The following COL22A1 variants were observed in gnomAD, a reference collection of about 807,000 sequenced individuals.
The protein encoded by COL22A1 is collagen type XXII alpha 1 chain.
In COL22A1, 221 loss-of-function variants were observed where a neutral mutation model predicts 248.9. That is an observed-to-expected ratio of 0.89 (90% CI 0.80 to 0.99). The LOEUF (loss-of-function observed/expected upper bound fraction) is 0.99. COL22A1 is among the 50% of genes least tolerant of loss of function. The probability of loss-of-function intolerance (pLI) is 0.00; values close to 1 mark genes in which losing one functional copy is unlikely to be tolerated. For synonymous variants in COL22A1, 891 were observed against 793.4 expected, an observed-to-expected ratio of 1.12 and a Z score of -2.07; for missense variants, 2,240 against 2,179.0, an observed-to-expected ratio of 1.03 and a Z score of -0.56.
intron 2 of COL22A1, among the ~76,000 whole-genome samples, chr8:138,882,532 A>G (rs1243351952): frequency 6.8e-6 from 1 of 146,662 alleles, no homozygotes; most frequent in East Asian, 2.0e-4. Context: ...ACACTTCCTC[A>G]CACTCCCCCA....
intron 45 of COL22A1, among the ~76,000 whole-genome samples, chr8:138,654,854 A>G (rs569050916): frequency 7.1e-4 from 108 of 152,250 alleles, no homozygotes; most frequent in African/African-American, 2.3e-3. Context: ...TCTCGTGGGA[A>G]AAGCAAATGT....
rs914855087 is a variant in COL22A1 at position 138,596,775 on chromosome 8, G to C, written c.4432+129C>G. The C allele has an allele frequency of 3.9e-5, 31 of 792,966 alleles. No homozygotes were observed. The Middle Eastern group carries it at 1.5e-3, about 38-fold the overall frequency. 49.1% of individuals were successfully genotyped at this position (792,966 alleles called of 1,614,324 possible). ...AGTCTTCAGGGCATTCCCCAACCCT[G>C]ATAGTCTACACTTGAGCTGCCGGTC... is the stretch of plus-strand genomic sequence containing the variant. On this transcript the variant is annotated intron_variant, in intron 62 of 64. Transcript: ENST00000303045.
At chr8:138,630,628 A>G (rs1587715161) in intron 50 of COL22A1, 67 bp downstream of exon 50, 1 of 1,438,262 alleles carries the variant, frequency 7.0e-7, no homozygotes, top group Middle Eastern at 1.8e-4. Context: ...CAGAATTGGC[A>G]AACACCTGGG....
chr8:138,599,360 TCCCAG>T (rs1274620548), intron 60 of COL22A1, among the ~76,000 whole-genome samples: 1 of 152,042 alleles, frequency 6.6e-6, no homozygotes, highest in Admixed American at 6.5e-5. Flanking sequence ...GTGCCTGTAG[TCCCAG>T]CTACTCAGGA....
intron 27 of COL22A1, among the ~76,000 whole-genome samples, chr8:138,719,437 G>A (rs754895193): frequency 2.6e-5 from 4 of 152,294 alleles, no homozygotes; most frequent in East Asian, 3.9e-4. Flanking sequence ...TGAGTTCCTC[G>A]GATCTGGAAT....
At chr8:138,696,590 C>T (rs1422829250) in intron 32 of COL22A1, among the ~76,000 whole-genome samples, 1 of 150,998 alleles carries the variant, frequency 6.6e-6, no homozygotes, top group Non-Finnish European at 1.5e-5. Flanking sequence ...GCCCTCCCTT[C>T]CCAAGCCTCT....
chr8:138,604,690 G>A (rs1818289241), intron 59 of COL22A1, 44 bp downstream of exon 59: 3 of 1,583,422 alleles, frequency 1.9e-6, no homozygotes, highest in Non-Finnish European at 2.6e-6. Context: ...CTGCCCATTG[G>A]TGGTAAAGGG....
intron 54 of COL22A1, 47 bp downstream of exon 54, chr8:138,616,867 A>C: frequency 6.2e-7 from 1 of 1,608,620 alleles, no homozygotes; most frequent in Non-Finnish European, 8.5e-7. Context: ...TGGGAAGTGT[A>C]AGCTCTGCCC....
At chr8:138,591,927 C>A (rs1194582525) in intron 63 of COL22A1, among the ~76,000 whole-genome samples, 1 of 152,194 alleles carries the variant, frequency 6.6e-6, no homozygotes, top group Non-Finnish European at 1.5e-5. Flanking sequence ...GCCGTACACA[C>A]AGAAGTCCGC....
intron 3 of COL22A1, among the ~76,000 whole-genome samples, chr8:138,868,069 CT>C (rs1353362438): frequency 2.0e-5 from 3 of 152,148 alleles, no homozygotes; most frequent in Non-Finnish European, 4.4e-5. Flanking sequence ...GGCCTATTGT[CT>C]TTATTTTACA....
chr8:138,755,192 C>T lies in COL22A1; in HGVS notation c.1996G>A (p.Gly666Ser), dbSNP rs1423992754. 1.2e-6 allele frequency: 2 copies of T among 1,614,124 alleles called. No homozygotes were observed. The highest frequency in any genetic ancestry group is 4.5e-5 in the East Asian group (2 of 44,856). Residue 666 changes from glycine to serine, a missense_variant, in exon 21 of 65, where the codon GGT (glycine) becomes AGT (serine). Transcript: ENST00000303045. ...KGEQGAPGPR[G>S]HQGAPGPPGA... The stretch of plus-strand genomic sequence containing the variant: ...GGAGGACCGGGGGCGCCTTGGTGAC[C>T]TCTGGGTCCTGGAGCTCCCTGGTAA...
At chr8:138,689,165 G>GA (rs144407158) in intron 36 of COL22A1, among the ~76,000 whole-genome samples, 195 bp from the exon 37 acceptor site, 3 of 151,494 alleles carry the variant, frequency 2.0e-5, no homozygotes, top group Admixed American at 2.0e-4. Context: ...TCCCGGGGGG[G>GA]GGGCTGGCCT....
At chr8:138,710,909 A>T (rs1282098631) in intron 30 of COL22A1, among the ~76,000 whole-genome samples, 1 of 152,168 alleles carries the variant, frequency 6.6e-6, no homozygotes, top group African/African-American at 2.4e-5. Flanking sequence ...TGTCCCAATG[A>T]TCAAAGTTAA....
intron 25 of COL22A1, among the ~76,000 whole-genome samples, chr8:138,722,856 G>GGGT (rs1829988407): frequency 7.8e-6 from 1 of 128,392 alleles, no homozygotes; most frequent in South Asian, 3.6e-4. Flanking sequence ...GGGGCGGGGG[G>GGGT]GGGGTGGTGG....
intron 10 of COL22A1, among the ~76,000 whole-genome samples, chr8:138,806,061 TGGTGGTGTGTGTG>T (rs1817636737): frequency 7.3e-6 from 1 of 137,408 alleles, no homozygotes; most frequent in Non-Finnish European, 1.6e-5. Flanking sequence ...TAATGGTGTG[TGGTGGTGTGTGTG>T]ATGGTGTGTG....
intron 3 of COL22A1, among the ~76,000 whole-genome samples, chr8:138,863,924 C>T (rs567887714): frequency 2.0e-5 from 3 of 152,336 alleles, no homozygotes; most frequent in African/African-American, 2.4e-5. Flanking sequence ...TTTCCGCTCT[C>T]GGATTTATCA....
At chr8:138,754,560 C>T (rs1175267848) in intron 21 of COL22A1, among the ~76,000 whole-genome samples, 1 of 152,192 alleles carries the variant, frequency 6.6e-6, no homozygotes, top group Non-Finnish European at 1.5e-5. Flanking sequence ...GAAGAAGCAA[C>T]TTTAAAGCAG....
At chr8:138,792,909 C>T (rs1816190658) in intron 12 of COL22A1, among the ~76,000 whole-genome samples, 1 of 152,212 alleles carries the variant, frequency 6.6e-6, no homozygotes, top group Non-Finnish European at 1.5e-5. Flanking sequence ...CACATACTAA[C>T]TGTGTGACCT....
At chr8:138,606,279 C>A in intron 58 of COL22A1, 102 bp downstream of exon 58, 2 of 1,065,288 alleles carry the variant, frequency 1.9e-6, no homozygotes, top group Non-Finnish European at 1.4e-6. Context: ...ATGGCCTGAG[C>A]AGACAGAACT....
Sources: allele counts gnomAD v4.1 joint callset (sites outside exome capture counted in the v4.1 genomes callset), GRCh38; gene constraint gnomAD v4.1.1; transcripts MANE v1.5; gene names NCBI Gene and HGNC (gene_info 2026-07-23, HGNC 2026-07-21).